HFM1: variants seen among roughly 807,000 people sequenced by gnomAD.
HFM1 encodes the protein helicase for meiosis 1.
A neutral mutation model predicts 192.1 loss-of-function variants in HFM1; 169 were observed. That is an observed-to-expected ratio of 0.88 (90% CI 0.78 to 1.00). The LOEUF is 1.00. Among genes scored for constraint, HFM1 ranks in the 50% least tolerant of loss-of-function variants. The pLI is 0.00. For missense variants in HFM1, 1,661 were observed against 1,668.0 expected (o/e 1.00, Z 0.07); for synonymous variants, 525 against 537.8 (o/e 0.98, Z 0.33).
At chr1:91,264,368 T>TTTTTTTTTTTTG (rs1665501135) in intron 36 of HFM1, among the ~76,000 whole-genome samples, 1 of 81,366 alleles carries the variant, frequency 1.2e-5, no homozygotes, top group East Asian at 3.3e-4. Context: ...AGTATTTTTT[T>TTTTTTTTTTTTG]TTTTTTTTTT....
At position 91,375,427 on chromosome 1, in the gene HFM1, C is replaced by T. The variant is rs1397747709; in HGVS notation, c.1616G>A (p.Gly539Asp). 2 of 1,613,008 alleles carry T rather than the reference C, an allele frequency of 1.2e-6. No individual in the cohort carries two copies. Among genetic ancestry groups the T allele is most frequent in the African/African-American group, 1.3e-5 (1 of 74,864 alleles). ...AAGAACAGAAGCAGCCTGTTGCACA[C>T]CCTTCCTTGTTGCACAAAACTGAAA... ...PTLVFCATRKGVQQAASVLVK... is the reference protein window; with the variant it reads ...PTLVFCATRKDVQQAASVLVK... Residue 539 changes from glycine (G) to aspartate (D), a missense_variant, in exon 13 of 39, where the codon GGT (glycine) becomes GAT (aspartate). Gly to Asp is a moderately conservative substitution (Grantham distance 94). Coordinates refer to ENST00000370425, the MANE Select transcript of HFM1 (RefSeq NM_001017975.6).
At chr1:91,343,188 G>C (rs1276802604) in intron 20 of HFM1, among the ~76,000 whole-genome samples, 1 of 120,606 alleles carries the variant, frequency 8.3e-6, no homozygotes, top group South Asian at 2.8e-4. Context: ...CTGAGATCTC[G>C]CCACTGCACT....
chr1:91,277,244 A>C (rs1008816611), intron 30 of HFM1, among the ~76,000 whole-genome samples, 182 bp from the exon 31 acceptor site: 32 of 151,564 alleles, frequency 2.1e-4, no homozygotes, highest in African/African-American at 7.3e-4. Flanking sequence ...GGGTCTTGCT[A>C]TCTTGCCTAG....
chr1:91,284,048 GTTAT>G (rs907946747), intron 30 of HFM1, among the ~76,000 whole-genome samples: 6 of 151,568 alleles, frequency 4.0e-5, no homozygotes, highest in African/African-American at 9.7e-5. Flanking sequence ...CTATCATTTT[GTTAT>G]TTATTTATGC....
At chr1:91,348,162 C>T (rs281935) in intron 18 of HFM1, among the ~76,000 whole-genome samples, 136,891 of 152,144 alleles carry the variant, frequency 0.9, 61,632 homozygotes, top group Middle Eastern at 0.95. Context: ...CTTCATTGAC[C>T]TCTACACCTC....
intron 9 of HFM1, 143 bp downstream of exon 9, chr1:91,378,915 CTTGAA>C: frequency 1.9e-6 from 1 of 535,266 alleles, no homozygotes; most frequent in Non-Finnish European, 3.2e-6. Context: ...CTGTCTGTAC[CTTGAA>C]TTGTAGTATT....
chr1:91,273,727 C>G lies in HFM1; in HGVS notation c.3757G>C (p.Glu1253Gln). The change falls in exon 34 of 39, where the codon GAA (glutamate) becomes CAA (glutamine). Residue 1253 changes from glutamate (E) to glutamine (Q), a missense_variant. Physicochemically the swap from Glu to Gln is conservative, Grantham distance 29. Transcript: ENST00000370425. ...IYGKVRQEPS[E>Q]YQDKEVLNVN... ...GGTAATTTACCTTTGTCTTGATATT[C>G]AGATGGTTCTTGTCTAACTTTTCCA... is the stretch of plus-strand genomic sequence containing the variant. The G allele has an allele frequency of 1.3e-6, 2 of 1,564,594 alleles. No homozygotes were observed. The highest frequency in any genetic ancestry group is 1.7e-4 in the Middle Eastern group (1 of 5,952).
chr1:91,320,313 A>C lies in HFM1; in HGVS notation c.2583-923T>G, dbSNP rs1056578547. ...GTAATCAACTCACTTCCTGGAATGG[A>C]TGTATACAGCTGAAATTTAAACTAT... On this transcript the variant is annotated intron_variant, in intron 23 of 38. Coordinates refer to ENST00000370425, the MANE Select transcript of HFM1 (RefSeq NM_001017975.6). Among the ~76,000 whole-genome samples, 4 of 152,228 alleles carry C rather than the reference A, an allele frequency of 2.6e-5. No homozygotes were observed. In the South Asian group the frequency reaches 8.3e-4, roughly 31 times the overall value.
chr1:91,265,397 C>T (rs1665662368), intron 36 of HFM1, among the ~76,000 whole-genome samples: 1 of 152,174 alleles, frequency 6.6e-6, no homozygotes, highest in African/African-American at 2.4e-5. Flanking sequence ...TAACACTAGA[C>T]TCACATTGCC....
At chr1:91,404,918 C>G (rs1557548190), upstream of HFM1, 2 of 453,502 alleles carry the variant, frequency 4.4e-6, no homozygotes, top group East Asian at 1.4e-4. Context: ...CCTCTCCCTT[C>G]CTACCTTTTT....
At chr1:91,367,341 G>C (rs1223828321) in intron 13 of HFM1, among the ~76,000 whole-genome samples, 1 of 152,174 alleles carries the variant, frequency 6.6e-6, no homozygotes, top group Non-Finnish European at 1.5e-5. Flanking sequence ...AAGCCTAACT[G>C]AGAGGCACCG....
chr1:91,305,911 C>T (rs1649535845), intron 30 of HFM1, among the ~76,000 whole-genome samples: 1 of 152,120 alleles, frequency 6.6e-6, no homozygotes, highest in Non-Finnish European at 1.5e-5. Flanking sequence ...CTAAGACTTC[C>T]AGCACAATGT....
At chr1:91,262,032 C>T (rs1665210060) in intron 38 of HFM1, among the ~76,000 whole-genome samples, 1 of 152,126 alleles carries the variant, frequency 6.6e-6, no homozygotes, top group Admixed American at 6.5e-5. Flanking sequence ...TAAACAGCAT[C>T]AAACATACGG....
chr1:91,277,640 T>A (rs1430696476), intron 30 of HFM1, among the ~76,000 whole-genome samples: 1 of 130,324 alleles, frequency 7.7e-6, no homozygotes, highest in Admixed American at 9.3e-5. Flanking sequence ...TAATATATAC[T>A]ATATATAATA....
chr1:91,390,432 A>AG (rs928337013), intron 4 of HFM1, among the ~76,000 whole-genome samples: 21 of 3,284 alleles, frequency 6.4e-3, no homozygotes, highest in African/African-American at 0.011. Context: ...TAAGACTCCC[A>AG]AAGAAAAAAA....
At chr1:91,287,345 C>A (rs375555281) in intron 30 of HFM1, among the ~76,000 whole-genome samples, 1 of 152,162 alleles carries the variant, frequency 6.6e-6, no homozygotes, top group Non-Finnish European at 1.5e-5. Flanking sequence ...TCAAGTGAGT[C>A]CCTGACCCCT....
At chr1:91,362,832 T>C (rs1416865378) in intron 13 of HFM1, among the ~76,000 whole-genome samples, 1 of 152,052 alleles carries the variant, frequency 6.6e-6, no homozygotes, top group Non-Finnish European at 1.5e-5. Context: ...AACAGACACA[T>C]AGACCAAAGG....
At chr1:91,269,257 G>A (rs1038273551) in intron 34 of HFM1, among the ~76,000 whole-genome samples, 1 of 152,046 alleles carries the variant, frequency 6.6e-6, no homozygotes, top group African/African-American at 2.4e-5. Flanking sequence ...CTACCATATG[G>A]ATAAATAATC....
At chr1:91,360,354 TA>T (rs1658330941) in intron 13 of HFM1, among the ~76,000 whole-genome samples, 1 of 152,130 alleles carries the variant, frequency 6.6e-6, no homozygotes, top group Non-Finnish European at 1.5e-5. Context: ...AAGGAAAACT[TA>T]CCAAGCAAAT....
Sources: allele counts gnomAD v4.1 joint callset (sites outside exome capture counted in the v4.1 genomes callset), GRCh38; gene constraint gnomAD v4.1.1; transcripts MANE v1.5; gene names NCBI Gene and HGNC (gene_info 2026-07-23, HGNC 2026-07-21).